TRHR: variants seen among roughly 807,000 people sequenced by gnomAD.
TRHR encodes the protein thyrotropin releasing hormone receptor.
Under a neutral mutation model 28.0 loss-of-function variants are expected in TRHR, and 14 were observed. The ratio of observed to expected loss-of-function variants is 0.50; its 90% CI spans 0.33 to 0.78. TRHR has a LOEUF of 0.78. Ranked by LOEUF, TRHR falls within the 30% of genes least tolerant of loss-of-function variation. The pLI, the probability that TRHR is intolerant of heterozygous loss-of-function variation, is 0.02. For missense variants in TRHR, 438 were observed against 469.5 expected, an observed-to-expected ratio of 0.93 and a Z score of 0.62; for synonymous variants, 176 against 171.9, an observed-to-expected ratio of 1.02 and a Z score of -0.18.
Position 109,087,779 on chromosome 8 carries a change from T to C in TRHR, c.267T>C (p.Gly89=), listed in dbSNP as rs751091540. Residue 89 remains glycine (G), a synonymous_variant, in exon 2 of 3, where the codon GGT becomes GGC. Coordinates refer to ENST00000518632, the MANE Select transcript of TRHR (RefSeq NM_003301.7). ...GLPNITDSIY[G]SWVYGYVGCL... is the part of the protein sequence containing the mutation. ...CCAACATAACAGACAGTATCTACGG[T>C]TCCTGGGTCTATGGCTATGTTGGAT... is the stretch of plus-strand genomic sequence containing the variant. 2.5e-6 allele frequency: 4 copies of C among 1,614,194 alleles called. No homozygotes were observed. Among genetic ancestry groups the C allele is most frequent in the South Asian group, 2.2e-5 (2 of 91,088 alleles).
intron 2 of TRHR, among the ~76,000 whole-genome samples, chr8:109,096,177 G>A (rs999167545): frequency 4.6e-5 from 7 of 151,948 alleles, no homozygotes; most frequent in South Asian, 2.1e-4. Context: ...TACATATTAC[G>A]CTCCAGCAAT....
chr8:109,118,833 T>C (rs955394670), intron 2 of TRHR, among the ~76,000 whole-genome samples: 2 of 151,868 alleles, frequency 1.3e-5, no homozygotes, highest in Non-Finnish European at 2.9e-5. Flanking sequence ...ACACACTGCT[T>C]TGGCTTTTCC....
chr8:109,111,635 C>T (rs1003261244), intron 2 of TRHR, among the ~76,000 whole-genome samples: 2 of 152,138 alleles, frequency 1.3e-5, no homozygotes, highest in African/African-American at 2.4e-5. Flanking sequence ...TAAATCGATG[C>T]ATAACTCCAT....
At chr8:109,110,095 T>C (rs775858397) in intron 2 of TRHR, among the ~76,000 whole-genome samples, 7 of 152,140 alleles carry the variant, frequency 4.6e-5, no homozygotes, top group Non-Finnish European at 7.4e-5. Flanking sequence ...CTGAGATATA[T>C]AGTTTCCTGT....
chr8:109,091,621 A>C (rs1045810793), intron 2 of TRHR, among the ~76,000 whole-genome samples: 6 of 152,216 alleles, frequency 3.9e-5, no homozygotes, highest in Non-Finnish European at 7.3e-5. Flanking sequence ...GAAGTAAAAG[A>C]GCATTTACAT....
At chr8:109,089,814 G>A (rs1041082588) in intron 2 of TRHR, among the ~76,000 whole-genome samples, 3 of 152,094 alleles carry the variant, frequency 2.0e-5, no homozygotes, top group Non-Finnish European at 4.4e-5. Context: ...ACCAAACATG[G>A]GTTAATGTCT....
At position 109,120,703 on chromosome 8, in the gene TRHR, C is replaced by T. The variant is rs1811995443; in HGVS notation, c.*1248C>T. Among the ~76,000 whole-genome samples the T allele has an allele frequency of 6.6e-6, 1 of 151,696 alleles. No individual in the cohort carries two copies. The highest frequency in any genetic ancestry group is 2.4e-5 in the African/African-American group (1 of 41,352). On this transcript the variant is annotated 3_prime_UTR_variant, in exon 3 of 3. Coordinates refer to ENST00000518632, the MANE Select transcript of TRHR (RefSeq NM_003301.7). ...ATGTCATCTTTATATTTATGACTGACATCTGCTATTCCAGTGTTTATTGGA... is the reference window on the plus strand; with the variant it reads ...ATGTCATCTTTATATTTATGACTGATATCTGCTATTCCAGTGTTTATTGGA...
At position 109,120,887 on chromosome 8, in the gene TRHR, C is replaced by A. The variant is rs748612517; in HGVS notation, c.*1432C>A. ...TGAGTAGATCAAAAAAGTACCCATA[C>A]CTTTACATGCCCGTAGGCTGTCATT... On this transcript the variant is annotated 3_prime_UTR_variant, in exon 3 of 3. Transcript: ENST00000518632. Among the ~76,000 whole-genome samples, 4 of 151,536 alleles carry A rather than the reference C, an allele frequency of 2.6e-5. No individual in the cohort carries two copies. Among genetic ancestry groups the A allele is most frequent in the Admixed American group, 1.3e-4 (2 of 15,152 alleles).
chr8:109,087,871 C>T lies in TRHR; in HGVS notation c.359C>T (p.Thr120Ile). Reference protein sequence around the residue: ...NASSCSITAFTIERYIAICHP... With the variant: ...NASSCSITAFIIERYIAICHP... ...TCCTCTTGTTCAATAACAGCCTTTA[C>T]CATTGAGAGGTACATAGCAATCTGT... Residue 120 changes from threonine to isoleucine, a missense_variant, in exon 2 of 3, where the codon ACC (threonine) becomes ATC (isoleucine). Thr to Ile is a moderately conservative substitution (Grantham distance 89). Transcript: ENST00000518632. 6.2e-7 allele frequency: 1 copy of T among 1,614,194 alleles called. No individual in the cohort carries two copies. The highest frequency in any genetic ancestry group is 1.1e-5 in the South Asian group (1 of 91,080).
chr8:109,100,120 C>T (rs779663554), intron 2 of TRHR, among the ~76,000 whole-genome samples: 25 of 152,188 alleles, frequency 1.6e-4, no homozygotes, highest in Admixed American at 6.5e-4. Flanking sequence ...GATAGGAGTT[C>T]GGCTTTGTGA....
chr8:109,116,012 G>A (rs1811916064), intron 2 of TRHR, among the ~76,000 whole-genome samples: 1 of 152,070 alleles, frequency 6.6e-6, no homozygotes, highest in Admixed American at 6.6e-5. Context: ...TTAGCATGAA[G>A]GGCTGTTGAA....
At chr8:109,117,253 T>A (rs1416142424) in intron 2 of TRHR, among the ~76,000 whole-genome samples, 1 of 151,930 alleles carries the variant, frequency 6.6e-6, no homozygotes. Context: ...GGAAGGAGCA[T>A]GACCTTTGTC....
intron 2 of TRHR, among the ~76,000 whole-genome samples, chr8:109,097,017 C>T (rs779924110): frequency 3.9e-5 from 6 of 152,172 alleles, no homozygotes; most frequent in South Asian, 2.1e-4. Flanking sequence ...CTTGCCAGTA[C>T]GATGGTGATT....
chr8:109,102,543 C>G (rs1159268787), intron 2 of TRHR, among the ~76,000 whole-genome samples: 2 of 151,902 alleles, frequency 1.3e-5, no homozygotes, highest in Middle Eastern at 3.4e-3. Flanking sequence ...GAATGAGATG[C>G]AAAGAAAAGA....
intron 2 of TRHR, among the ~76,000 whole-genome samples, chr8:109,102,115 T>G (rs560276738): frequency 2.1e-4 from 32 of 152,222 alleles, no homozygotes; most frequent in African/African-American, 6.7e-4. Context: ...TGTTGCTGAA[T>G]GATGAATGGA....
intron 2 of TRHR, among the ~76,000 whole-genome samples, chr8:109,102,142 G>A (rs1275104626): frequency 6.6e-6 from 1 of 152,138 alleles, no homozygotes; most frequent in Non-Finnish European, 1.5e-5. Context: ...ACTAAAAAGA[G>A]GGTAAGAATA....
intron 2 of TRHR, among the ~76,000 whole-genome samples, chr8:109,116,539 A>G (rs1402963861): frequency 1.3e-5 from 2 of 151,988 alleles, no homozygotes; most frequent in Admixed American, 1.3e-4. Context: ...GGGAGGGTGT[A>G]TGTCTCCAGG....
At chr8:109,094,887 CA>C (rs1811566192) in intron 2 of TRHR, among the ~76,000 whole-genome samples, 1 of 151,998 alleles carries the variant, frequency 6.6e-6, no homozygotes, top group East Asian at 1.9e-4. Context: ...TTGAAGATGA[CA>C]AACTACTTTA....
chr8:109,094,435 G>A (rs573637017), intron 2 of TRHR, among the ~76,000 whole-genome samples: 1 of 151,744 alleles, frequency 6.6e-6, no homozygotes, highest in Non-Finnish European at 1.5e-5. Context: ...ATTTTTAATT[G>A]TATTATTTAT....
Sources: gnomAD v4.1 joint callset for allele counts (sites outside exome capture counted in the v4.1 genomes callset) on GRCh38, gnomAD v4.1.1 for gene constraint, MANE v1.5 for transcripts, NCBI Gene and HGNC (gene_info 2026-07-23, HGNC 2026-07-21) for gene names.